Variants in GPAA1 observed in about 807,000 individuals in gnomAD.
GPAA1 encodes GPI-anchor transamidase component GPAA1.
In GPAA1, 54 loss-of-function variants were observed where a neutral mutation model predicts 64.0. The observed-to-expected ratio is 0.84, with a 90% CI of 0.68 to 1.06. The LOEUF is 1.06. GPAA1 is among the 50% of genes least tolerant of loss of function. The probability of loss-of-function intolerance (pLI) is 0.00; values close to 1 mark genes in which losing one functional copy is unlikely to be tolerated. For synonymous variants in GPAA1, 393 were observed against 377.3 expected (o/e 1.04, Z -0.48); for missense variants, 780 against 822.3 (o/e 0.95, Z 0.63).
chr8:144,084,426 A>C lies in GPAA1; in HGVS notation c.827A>C (p.Asp276Ala). The C allele has an allele frequency of 6.2e-7, 1 of 1,611,952 alleles. No homozygotes were observed. The highest frequency in any genetic ancestry group is 8.5e-7 in the Non-Finnish European group (1 of 1,179,274). Residue 276 changes from aspartate (D) to alanine (A), a missense_variant, in exon 7 of 12, where the codon GAC becomes GCC. Transcript: ENST00000355091. ...GCACCTCTAAAGCTGCAGCCCGAGGACTGGACATCATTGGATGGACCGCTG... is the reference window on the plus strand; with the variant it reads ...GCACCTCTAAAGCTGCAGCCCGAGGCCTGGACATCATTGGATGGACCGCTG... ...CTLQGKLQPE[D>A]WTSLDGPLQG...
In GPAA1 at chr8:144,085,660, C is replaced by T. The variant is rs781892219; in HGVS notation, c.1539C>T (p.Ile513=). Residue 513 remains isoleucine, a synonymous_variant, in exon 11 of 12, where the codon ATC becomes ATT. Transcript: ENST00000355091. ...LIYLALQLGC[I]ALTNFSLGFL... ...ACCTAGCACTGCAGCTGGGCTGCATCGCCCTCACCAACTTCTCACTGGGCT... is the reference window on the plus strand; with the variant it reads ...ACCTAGCACTGCAGCTGGGCTGCATTGCCCTCACCAACTTCTCACTGGGCT... 48 of 1,613,140 alleles carry T rather than the reference C, an allele frequency of 3.0e-5. No individual in the cohort carries two copies. The highest frequency in any genetic ancestry group is 3.8e-5 in the Non-Finnish European group (45 of 1,179,454).
At chr8:144,084,688 C>T (rs1414678679) in intron 7 of GPAA1, 34 bp from the exon 8 acceptor site, 13 of 1,610,804 alleles carry the variant, frequency 8.1e-6, no homozygotes, top group Non-Finnish European at 8.5e-7. Flanking sequence ...CCTGGTGGCT[C>T]TGGCCAGCCG....
At chr8:144,083,883 C>G in intron 4 of GPAA1, 22 bp downstream of exon 4, 1 of 1,613,600 alleles carries the variant, frequency 6.2e-7, no homozygotes, top group Non-Finnish European at 8.5e-7. Context: ...GGCTGCTGGC[C>G]GTGGAGGGGT....
Position 144,084,283 on chromosome 8 carries a change from C to G in GPAA1, c.766C>G (p.Gln256Glu). ...LPNLDLLNLF[Q>E]TFCQKGGLLC... ...CAACCTTGACCTGCTCAATCTCTTC[C>G]AGACCTTCTGCCAGAAAGGGGGCCT... is the stretch of plus-strand genomic sequence containing the variant. Residue 256 changes from glutamine (Q) to glutamate (E), a missense_variant, in exon 6 of 12, where the codon CAG (glutamine) becomes GAG (glutamate). By Grantham distance (29) the Gln-to-Glu change is conservative. Transcript: ENST00000355091. 6.2e-7 allele frequency: 1 copy of G among 1,613,868 alleles called. No homozygotes were observed. Among genetic ancestry groups the G allele is most frequent in the South Asian group, 1.1e-5 (1 of 91,082 alleles).
chr8:144,083,635 G>A, intron 3 of GPAA1, 79 bp from the exon 4 acceptor site: 4 of 1,469,934 alleles, frequency 2.7e-6, no homozygotes, highest in Non-Finnish European at 3.7e-6. Flanking sequence ...GCACTGGAGG[G>A]CTAGGAAAGT....
Position 144,085,748 on chromosome 8 carries a change from G to A in GPAA1, c.1622+5G>A. The A allele has an allele frequency of 6.2e-7, 1 of 1,611,516 alleles. No individual in the cohort carries two copies. Among genetic ancestry groups the A allele is most frequent in the East Asian group, 2.2e-5 (1 of 44,878 alleles). ...TGCCAAGCCTCATGGGCCCCGGTAT[G>A]TATGGATCAGCCCCACTTCCCCCAA... On this transcript the variant is annotated splice_donor_5th_base_variant and intron_variant, in intron 11 of 11. Transcript: ENST00000355091.
chr8:144,085,100 G>A lies in GPAA1; in HGVS notation c.1222G>A (p.Gly408Ser), dbSNP rs782630422. 2 of 1,608,616 alleles carry A rather than the reference G, an allele frequency of 1.2e-6. No individual in the cohort carries two copies. Among genetic ancestry groups the A allele is most frequent in the East Asian group, 2.2e-5 (1 of 44,870 alleles). Residue 408 changes from glycine (G) to serine (S), a missense_variant, in exon 9 of 12, where the codon GGT (glycine) becomes AGT (serine). By Grantham distance (56) the Gly-to-Ser change is moderately conservative. Transcript: ENST00000355091. ...EAGMGLEEPG[G>S]APGPSVPLPP... ...TGGAATGGGCCTTGAGGAGCCCGGG[G>A]GTGCCCCTGGCCCCAGTGTACCCCT... is the stretch of plus-strand genomic sequence containing the variant.
chr8:144,083,061 T>C (rs1554763715), intron 1 of GPAA1, 63 bp from the exon 2 acceptor site: 1 of 1,466,192 alleles, frequency 6.8e-7, no homozygotes, highest in African/African-American at 1.4e-5. Context: ...GCGGAGGTTG[T>C]GGCCTCGGGT....
Position 144,083,424 on chromosome 8 carries a change from G to A in GPAA1, c.290G>A (p.Arg97Gln). 6.2e-7 allele frequency: 1 copy of A among 1,613,654 alleles called. No individual in the cohort carries two copies. Among genetic ancestry groups the A allele is most frequent in the East Asian group, 2.2e-5 (1 of 44,848 alleles). Reference protein sequence around the residue: ...LPVAWLERTMRSVGLEVYTQS... With the variant: ...LPVAWLERTMQSVGLEVYTQS... ...GTGGCCTGGCTTGAACGGACGATGC[G>A]GTCAGTAGGGCTGGAGGTCTACACG... is the stretch of plus-strand genomic sequence containing the variant. The change falls in exon 3 of 12, where the codon CGG (arginine) becomes CAG (glutamine). Residue 97 changes from arginine (R) to glutamine (Q), a missense_variant. Physicochemically the swap from Arg to Gln is conservative, Grantham distance 43 (BLOSUM62 1). Coordinates refer to ENST00000355091, the MANE Select transcript of GPAA1 (RefSeq NM_003801.4).
At chr8:144,083,028 G>C (rs1835933885) in intron 1 of GPAA1, 96 bp from the exon 2 acceptor site, 1 of 1,195,350 alleles carries the variant, frequency 8.4e-7, no homozygotes, top group Non-Finnish European at 1.2e-6. Flanking sequence ...AGGTCTCCCA[G>C]ACCCGCGCGA....
chr8:144,086,202 C>T lies in GPAA1; in HGVS notation c.*77C>T. ...TCCTTCTGGGGAAATAAATGAGTGT[C>T]TGTTTCAGCAGCTATTTGAGCTCCT... On this transcript the variant is annotated 3_prime_UTR_variant, in exon 12 of 12. Transcript: ENST00000355091. The T allele has an allele frequency of 8.0e-7, 1 of 1,242,298 alleles. No individual in the cohort carries two copies. Among genetic ancestry groups the T allele is most frequent in the Non-Finnish European group, 1.1e-6 (1 of 916,432 alleles). The allele number at this position is 1,242,298 out of a possible 1,614,324, so 77.0% of individuals were successfully genotyped here.
In GPAA1 at chr8:144,084,731, G is replaced by C. The variant is rs782795907; in HGVS notation, c.1020G>C (p.Glu340Asp). Residue 340 changes from glutamate (E) to aspartate (D), a missense_variant, in exon 8 of 12, where the codon GAG (glutamate) becomes GAC (aspartate). By Grantham distance (45) the Glu-to-Asp change is conservative (BLOSUM62 2). Coordinates refer to ENST00000355091, the MANE Select transcript of GPAA1 (RefSeq NM_003801.4). ...GCCCCACACCTGACAGGGCTTTGGA[G>C]GGCATGTTCCGCAAGCTCAACCACC... The part of the protein sequence containing the change: ...YDLVAVGKAL[E>D]GMFRKLNHLL... The C allele has an allele frequency of 1.9e-6, 3 of 1,613,834 alleles. No individual in the cohort carries two copies. Among genetic ancestry groups the C allele is most frequent in the Non-Finnish European group, 2.5e-6 (3 of 1,179,956 alleles).
At chr8:144,083,042 A>C in intron 1 of GPAA1, 82 bp from the exon 2 acceptor site, 2 of 1,311,784 alleles carry the variant, frequency 1.5e-6, no homozygotes, top group Non-Finnish European at 2.1e-6. Context: ...CGCGCGATCG[A>C]CCCCGGGTGC....
chr8:144,085,256 G>A (rs898764941), intron 9 of GPAA1, 33 bp from the exon 10 acceptor site: 1 of 1,559,784 alleles, frequency 6.4e-7, no homozygotes, highest in Admixed American at 1.8e-5. Flanking sequence ...CCTGGCCCCA[G>A]GGTCCATCTC....
chr8:144,084,198 G>A lies in GPAA1; in HGVS notation c.681G>A (p.Leu227=). ...TTCAGGCAGCCGTGGCCCTGGAGCT[G>A]AGCAGTGATGTGGTCACCAGCCTCG... ...GAIQAAVALE[L]SSDVVTSLDV... The change falls in exon 6 of 12, where the codon CTG becomes CTA. Residue 227 remains leucine (L), a synonymous_variant. Coordinates refer to ENST00000355091, the MANE Select transcript of GPAA1 (RefSeq NM_003801.4). The A allele has an allele frequency of 1.9e-6, 3 of 1,613,412 alleles. No homozygotes were observed. Among genetic ancestry groups the A allele is most frequent in the Middle Eastern group, 1.6e-4 (1 of 6,062 alleles).
chr8:144,082,804 G>A lies in GPAA1; in HGVS notation c.74G>A (p.Cys25Tyr). 1 of 1,460,154 alleles carries A rather than the reference G, an allele frequency of 6.8e-7. No homozygotes were observed. The allele number at this position is 1,460,154 out of a possible 1,614,324, so 90.4% of individuals were successfully genotyped here. The part of the protein sequence containing the change: ...RLVLRLNAPL[C>Y]VLSYVAGIAW... ...GTGCTGCGCCTCAACGCGCCGTTGT[G>A]GTGAGGACAGGGCCCGGGGAGGCGG... Residue 25 changes from cysteine (C) to tyrosine (Y), a missense_variant and splice_region_variant, in exon 1 of 12, where the codon TGC becomes TAC. Transcript: ENST00000355091.
rs1051006979 is a variant in GPAA1, at chr8:144,085,234, C to A, written c.1261-55C>A. 11 of 1,520,808 alleles carry A rather than the reference C, an allele frequency of 7.2e-6. No individual in the cohort carries two copies. The South Asian group carries it at 1.4e-4, about 19-fold the overall frequency. The allele number at this position is 1,520,808 out of a possible 1,614,324, so 94.2% of individuals were successfully genotyped here. ...CCTCAGCTGGTGGGATGGTGGTGGT[C>A]TTTGGGGATCCCCTGGCCCCAGGGT... is the stretch of plus-strand genomic sequence containing the variant. On this transcript the variant is annotated intron_variant, in intron 9 of 11. Coordinates refer to ENST00000355091, the MANE Select transcript of GPAA1 (RefSeq NM_003801.4).
chr8:144,082,835 C>G (rs932027967), intron 1 of GPAA1, 31 bp downstream of exon 1: 5 of 1,368,594 alleles, frequency 3.7e-6, no homozygotes, highest in Admixed American at 7.2e-5. Context: ...GGCGGGGACC[C>G]GAGGGCCCTG....
Position 144,085,914 on chromosome 8 carries a change from G to C in GPAA1, c.1655G>C (p.Ser552Thr). 1 of 1,609,526 alleles carries C rather than the reference G, an allele frequency of 6.2e-7. No homozygotes were observed. Among genetic ancestry groups the C allele is most frequent in the Non-Finnish European group, 8.5e-7 (1 of 1,179,044 alleles). The change falls in exon 12 of 12, where the codon AGC becomes ACC. Residue 552 changes from serine (S) to threonine (T), a missense_variant. Coordinates refer to ENST00000355091, the MANE Select transcript of GPAA1 (RefSeq NM_003801.4). ...TATGCTGCCCTGCTGGTGCTGACCA[G>C]CCCGGCAGCCACGCTCCTTGGCAGC... is the stretch of plus-strand genomic sequence containing the variant. ...TLYAALLVLT[S>T]PAATLLGSLF... is the part of the protein sequence containing the mutation.
Sources: allele counts gnomAD v4.1 joint callset, GRCh38; gene constraint gnomAD v4.1.1; transcripts MANE v1.5; gene names NCBI Gene and HGNC (gene_info 2026-07-23, HGNC 2026-07-21).